E2F5: variants seen among roughly 807,000 people sequenced by gnomAD.
The protein encoded by E2F5 is transcription factor E2F5.
Under a neutral mutation model 39.1 loss-of-function variants are expected in E2F5, and 23 were observed. The observed-to-expected ratio is 0.59, with a 90% CI of 0.42 to 0.83. E2F5 has a LOEUF of 0.83. Among genes scored for constraint, E2F5 ranks in the 40% least tolerant of loss-of-function variants. The probability of loss-of-function intolerance (pLI) is 0.00; values close to 1 mark genes in which losing one functional copy is unlikely to be tolerated. For synonymous variants in E2F5, 145 were observed against 157.8 expected (o/e 0.92, Z 0.61); for missense variants, 365 against 406.7 (o/e 0.90, Z 0.88).
At chr8:85,186,223 G>A in intron 1 of E2F5, among the ~76,000 whole-genome samples, 1 of 152,112 alleles carries the variant, frequency 6.6e-6, no homozygotes, top group East Asian at 1.9e-4. Context: ...CATGGATGAA[G>A]CTGGAAACCA....
chr8:85,209,469 T>C, intron 6 of E2F5, 60 bp downstream of exon 6: 1 of 1,506,644 alleles, frequency 6.6e-7, no homozygotes, highest in South Asian at 1.3e-5. Context: ...ACAGGTTGGC[T>C]CTCTTATCCA....
In E2F5 at chr8:85,213,912, T is replaced by A; in HGVS notation, c.*50T>A. On this transcript the variant is annotated 3_prime_UTR_variant, in exon 8 of 8. Transcript: ENST00000416274. Reference sequence around the variant, plus strand: ...ATCTACCTCTAACTGTGTAACATTTTAGACTTCTTAATAACCTAAATATTT... The same window carrying A: ...ATCTACCTCTAACTGTGTAACATTTAAGACTTCTTAATAACCTAAATATTT... The A allele has an allele frequency of 9.3e-7, 1 of 1,074,642 alleles. No individual in the cohort carries two copies. The highest frequency in any genetic ancestry group is 1.4e-6 in the Non-Finnish European group (1 of 707,570). 66.6% of individuals were successfully genotyped at this position (1,074,642 alleles called of 1,614,324 possible).
chr8:85,194,872 A>T (rs1432377949), intron 1 of E2F5, among the ~76,000 whole-genome samples: 2 of 151,402 alleles, frequency 1.3e-5, no homozygotes, highest in Non-Finnish European at 2.9e-5. Flanking sequence ...AATTTTTAAA[A>T]TTTTTGTAGA....
In E2F5 at chr8:85,214,021, A is replaced by G. The variant is rs1381838474; in HGVS notation, c.*159A>G. Reference sequence around the variant, plus strand: ...ACTTTCTTTACTTCACAAAACTTCAACCATAAAAACAAAGGGCTCTGATTG... The same window carrying G: ...ACTTTCTTTACTTCACAAAACTTCAGCCATAAAAACAAAGGGCTCTGATTG... On this transcript the variant is annotated 3_prime_UTR_variant, in exon 8 of 8. Coordinates refer to ENST00000416274, the MANE Select transcript of E2F5 (RefSeq NM_001951.4). 1.7e-6 allele frequency: 1 copy of G among 600,942 alleles called. No individual in the cohort carries two copies. The highest frequency in any genetic ancestry group is 2.9e-6 in the Non-Finnish European group (1 of 342,772). 37.2% of individuals were successfully genotyped at this position (600,942 alleles called of 1,614,324 possible). A position where few individuals can be genotyped will look rare whatever the true frequency, so the allele number is the denominator to read the frequency against.
At chr8:85,188,974 A>C (rs1812405069) in intron 1 of E2F5, among the ~76,000 whole-genome samples, 1 of 152,158 alleles carries the variant, frequency 6.6e-6, no homozygotes, top group Admixed American at 6.5e-5. Flanking sequence ...GCTCTTGTGA[A>C]GGTATGTTAT....
intron 3 of E2F5, among the ~76,000 whole-genome samples, chr8:85,205,053 A>G (rs933810123): frequency 2.6e-5 from 4 of 152,172 alleles, no homozygotes; most frequent in African/African-American, 4.8e-5. Context: ...GGGCATGGCA[A>G]TGTGCATCTG....
In E2F5 at chr8:85,177,895, G is replaced by A. The variant is rs1340498062; in HGVS notation, c.234+241G>A. On this transcript the variant is annotated intron_variant, in intron 1 of 7. Coordinates refer to ENST00000416274, the MANE Select transcript of E2F5 (RefSeq NM_001951.4). The stretch of plus-strand genomic sequence containing the variant: ...CCAATGGGGCCCGGCGCCACGCTGG[G>A]CTCTCGACAAAGAGCCCAGGACCTC... 3 of 600,260 alleles carry A rather than the reference G, an allele frequency of 5.0e-6. No homozygotes were observed. In the East Asian group the frequency reaches 2.2e-4, roughly 43 times the overall value. The allele number at this position is 600,260 out of a possible 1,614,324, so 37.2% of individuals were successfully genotyped here.
intron 6 of E2F5, among the ~76,000 whole-genome samples, chr8:85,209,747 A>G (rs1488096977): frequency 6.6e-6 from 1 of 152,186 alleles, no homozygotes; most frequent in Non-Finnish European, 1.5e-5. Context: ...TTCAGCTTTT[A>G]CCTGAAGTTT....
At chr8:85,213,419 G>A in intron 7 of E2F5, 1 of 161,102 alleles carries the variant, frequency 6.2e-6, no homozygotes, top group African/African-American at 2.4e-5. Context: ...GCAGGCACCT[G>A]TAGTCCCAGC....
In E2F5 at chr8:85,213,992, T is replaced by C; in HGVS notation, c.*130T>C. ...TCACTGATTCTGAAGTGTTCTTCCC[T>C]AATACTTTCTTTACTTCACAAAACT... is the stretch of plus-strand genomic sequence containing the variant. On this transcript the variant is annotated 3_prime_UTR_variant, in exon 8 of 8. Transcript: ENST00000416274. The C allele has an allele frequency of 1.6e-6, 1 of 629,310 alleles. No homozygotes were observed. The highest frequency in any genetic ancestry group is 2.0e-5 in the South Asian group (1 of 51,140). The allele number at this position is 629,310 out of a possible 1,614,324, so 39.0% of individuals were successfully genotyped here. A position where few individuals can be genotyped will look rare whatever the true frequency, so the allele number is the denominator to read the frequency against.
At position 85,193,103 on chromosome 8, in the gene E2F5, A is replaced by G. The variant is rs571482692; in HGVS notation, c.235-9044A>G. On this transcript the variant is annotated intron_variant, in intron 1 of 7. Coordinates refer to ENST00000416274, the MANE Select transcript of E2F5 (RefSeq NM_001951.4). ...TACATACATAAAATAAATGTTGGGT[A>G]TTCTAATTTTTTTTATATTTTACAA... 1.1e-4 allele frequency among the ~76,000 whole-genome samples: 16 copies of G among 152,328 alleles called. No homozygotes were observed. The East Asian group carries it at 2.9e-3, about 28-fold the overall frequency.
intron 1 of E2F5, among the ~76,000 whole-genome samples, chr8:85,184,305 A>G (rs2136041159): frequency 6.6e-6 from 1 of 152,344 alleles, no homozygotes; most frequent in East Asian, 1.9e-4. Flanking sequence ...GGCCTTCAAC[A>G]AAATTCAACA....
chr8:85,177,488 C>CGCCGCCGCA lies in E2F5; in HGVS notation c.72_80dup (p.Pro27_Gln29dup). On this transcript the variant is annotated inframe_insertion, in exon 1 of 8. Transcript: ENST00000416274. ...GCAGGGCAGGGGCAGGGCCAGCGGC[C>CGCCGCCGCA]GCCGCCGCAGCCTCCGCAGGCGCAA... is the stretch of plus-strand genomic sequence containing the variant. 9.6e-7 allele frequency: 1 copy of CGCCGCCGCA among 1,037,390 alleles called. No homozygotes were observed. The highest frequency in any genetic ancestry group is 1.2e-6 in the Non-Finnish European group (1 of 865,772). The allele number at this position is 1,037,390 out of a possible 1,614,324, so 64.3% of individuals were successfully genotyped here.
chr8:85,207,041 T>C (rs1182689261), intron 4 of E2F5, among the ~76,000 whole-genome samples: 1 of 152,202 alleles, frequency 6.6e-6, no homozygotes, highest in African/African-American at 2.4e-5. Flanking sequence ...TAAAATCATT[T>C]AAGCTCAACA....
intron 1 of E2F5, among the ~76,000 whole-genome samples, chr8:85,196,883 G>T (rs925433806): frequency 3.3e-5 from 5 of 152,178 alleles, no homozygotes; most frequent in Non-Finnish European, 7.3e-5. Context: ...ATCTTTAACA[G>T]TGTTTAAAAT....
intron 1 of E2F5, among the ~76,000 whole-genome samples, chr8:85,193,590 T>A (rs543035559): frequency 1.2e-4 from 18 of 152,324 alleles, no homozygotes; most frequent in African/African-American, 4.3e-4. Context: ...ATGTGGAACA[T>A]TCTCATCACC....
intron 3 of E2F5, among the ~76,000 whole-genome samples, chr8:85,203,952 A>T (rs1032762842): frequency 3.3e-5 from 5 of 151,660 alleles, no homozygotes; most frequent in South Asian, 2.1e-4. Context: ...CTCTTAGTTT[A>T]TGAACTTACC....
intron 1 of E2F5, among the ~76,000 whole-genome samples, chr8:85,189,870 C>T (rs1812422707): frequency 6.6e-6 from 1 of 152,086 alleles, no homozygotes; most frequent in African/African-American, 2.4e-5. Context: ...CAGAAAAAGT[C>T]AGAGAAATGG....
Position 85,214,144 on chromosome 8 carries a change from G to GT in E2F5, c.*288dup, listed in dbSNP as rs1192954064. The GT allele has an allele frequency of 2.0e-5, 11 of 543,928 alleles. No individual in the cohort carries two copies. Among genetic ancestry groups the GT allele is most frequent in the Non-Finnish European group, 3.8e-5 (11 of 286,928 alleles). The allele number at this position is 543,928 out of a possible 1,614,324, so 33.7% of individuals were successfully genotyped here. The stretch of plus-strand genomic sequence containing the variant: ...TTTTCTTCTAATTGTGAATCCTTCT[G>GT]TTTTTTCTTCTTAAGGAGGAAAGTT... On this transcript the variant is annotated 3_prime_UTR_variant, in exon 8 of 8. Transcript: ENST00000416274.
Sources: allele counts gnomAD v4.1 joint callset (sites outside exome capture counted in the v4.1 genomes callset), GRCh38; gene constraint gnomAD v4.1.1; transcripts MANE v1.5; gene names NCBI Gene and HGNC (gene_info 2026-07-23, HGNC 2026-07-21).